PTN: variants seen among roughly 807,000 people sequenced by gnomAD.
PTN encodes the protein pleiotrophin, also known as heparin affin regulatory protein.
PTN carries 18 observed loss-of-function variants against 24.1 expected under a neutral mutation model. The observed-to-expected ratio is 0.75, with a 90% CI of 0.52 to 1.11. The LOEUF is 1.11. PTN is among the 50% of genes least tolerant of loss of function. The probability of loss-of-function intolerance (pLI) is 0.00; values close to 1 mark genes in which losing one functional copy is unlikely to be tolerated. For missense variants in PTN, 163 were observed against 198.8 expected (o/e 0.82, Z 1.08); for synonymous variants, 78 against 68.6 (o/e 1.14, Z -0.67).
intron 1 of PTN, among the ~76,000 whole-genome samples, chr7:137,277,339 C>T (rs1379523523): frequency 1.3e-5 from 2 of 152,158 alleles, no homozygotes; most frequent in Non-Finnish European, 2.9e-5. Flanking sequence ...TCATTGCAAC[C>T]ACTATTGAAC....
chr7:137,316,304 T>C (rs772932758), intron 1 of PTN, among the ~76,000 whole-genome samples: 8 of 152,256 alleles, frequency 5.3e-5, no homozygotes, highest in Admixed American at 2.0e-4. Flanking sequence ...ATTCTCAGTC[T>C]CTCCATTCAT....
intron 4 of PTN, among the ~76,000 whole-genome samples, chr7:137,230,941 A>T (rs932892139): frequency 6.6e-6 from 1 of 151,174 alleles, no homozygotes; most frequent in Non-Finnish European, 1.5e-5. Context: ...CTTCAAATTC[A>T]CTCTTCATTT....
At chr7:137,293,258 A>G (rs1048224998) in intron 1 of PTN, among the ~76,000 whole-genome samples, 3 of 152,164 alleles carry the variant, frequency 2.0e-5, no homozygotes, top group African/African-American at 7.2e-5. Context: ...GGTAGAATCC[A>G]TAAATAGATG....
At chr7:137,254,813 G>A (rs1370662911) in intron 2 of PTN, 46 bp downstream of exon 2, 2 of 1,309,154 alleles carry the variant, frequency 1.5e-6, no homozygotes, top group Non-Finnish European at 2.1e-6. Context: ...AGACTAGATG[G>A]ACATTAATCA....
chr7:137,334,149 A>G (rs1331528473), intron 1 of PTN, among the ~76,000 whole-genome samples: 1 of 151,602 alleles, frequency 6.6e-6, no homozygotes, highest in African/African-American at 2.4e-5. Context: ...CTTCATGTCT[A>G]AAACACCAAA....
At chr7:137,341,217 T>G (rs1316606981) in intron 1 of PTN, among the ~76,000 whole-genome samples, 1 of 152,174 alleles carries the variant, frequency 6.6e-6, no homozygotes, top group Non-Finnish European at 1.5e-5. Flanking sequence ...AAAAAGTGAT[T>G]CAACTATCTG....
Position 137,254,865 on chromosome 7 carries a change from T to C in PTN, c.109A>G (p.Lys37Glu). 3.2e-6 allele frequency: 5 copies of C among 1,551,152 alleles called. No homozygotes were observed. Among genetic ancestry groups the C allele is most frequent in the Non-Finnish European group, 4.4e-6 (5 of 1,134,448 alleles). Residue 37 changes from lysine to glutamate, a missense_variant, in exon 2 of 5, where the codon AAA (lysine) becomes GAA (glutamate). Transcript: ENST00000348225. ...TCAGAACCCTACTGCTTACCTGGTT[T>C]CTCTTTCTTCCCTGCTTCAGCAGTA... ...VDTAEAGKKE[K>E]PEKKVKKSDC...
At chr7:137,305,616 C>G (rs907150866) in intron 1 of PTN, among the ~76,000 whole-genome samples, 2 of 152,036 alleles carry the variant, frequency 1.3e-5, no homozygotes, top group Non-Finnish European at 2.9e-5. Flanking sequence ...CCTCTTATTT[C>G]ATCTCTACTG....
chr7:137,247,316 A>G (rs1808740936), intron 4 of PTN, among the ~76,000 whole-genome samples: 1 of 152,228 alleles, frequency 6.6e-6, no homozygotes, highest in South Asian at 2.1e-4. Flanking sequence ...ACATATACAT[A>G]ACGGAGTACA....
intron 1 of PTN, among the ~76,000 whole-genome samples, chr7:137,261,948 G>A (rs944400535): frequency 7.9e-5 from 12 of 152,142 alleles, no homozygotes; most frequent in African/African-American, 2.9e-4. Context: ...TTTATGGCCA[G>A]TTTTTACACA....
At chr7:137,256,402 T>G (rs1808925851) in intron 1 of PTN, among the ~76,000 whole-genome samples, 2 of 151,996 alleles carry the variant, frequency 1.3e-5, no homozygotes, top group African/African-American at 2.4e-5. Flanking sequence ...CAGTTATGAG[T>G]GAGAACATGC....
chr7:137,253,524 T>C lies in PTN; in HGVS notation c.229A>G (p.Lys77Glu), dbSNP rs1316734920. 5 of 1,612,450 alleles carry C rather than the reference T, an allele frequency of 3.1e-6. No individual in the cohort carries two copies. The highest frequency in any genetic ancestry group is 4.2e-6 in the Non-Finnish European group (5 of 1,179,262). ...CATCTCTGGGTCTTCATGGTTTGCTTGCACTCAGCTCCAGTCCGAGTGCCC... is the reference window on the plus strand; with the variant it reads ...CATCTCTGGGTCTTCATGGTTTGCTCGCACTCAGCTCCAGTCCGAGTGCCC... ...REGTRTGAEC[K>E]QTMKTQRCKI... The change falls in exon 3 of 5, where the codon AAG (lysine) becomes GAG (glutamate). Residue 77 changes from lysine to glutamate, a missense_variant. By Grantham distance (56) the Lys-to-Glu change is moderately conservative. Transcript: ENST00000348225.
intron 1 of PTN, among the ~76,000 whole-genome samples, chr7:137,270,342 G>T (rs927478814): frequency 3.3e-5 from 5 of 152,170 alleles, no homozygotes; most frequent in Non-Finnish European, 1.5e-5. Context: ...CTTATAGCTA[G>T]AAGTTCTTTT....
intron 4 of PTN, among the ~76,000 whole-genome samples, chr7:137,228,535 A>C (rs1299691041): frequency 6.6e-6 from 1 of 151,718 alleles, no homozygotes; most frequent in East Asian, 1.9e-4. Context: ...CTTTGATAGT[A>C]TATTTTCTGA....
chr7:137,315,615 C>T (rs1293438147), intron 1 of PTN, among the ~76,000 whole-genome samples: 2 of 152,132 alleles, frequency 1.3e-5, no homozygotes, highest in Non-Finnish European at 2.9e-5. Context: ...TAGCCGGATT[C>T]GAACACCCAG....
At chr7:137,287,470 T>C (rs1474780678) in intron 1 of PTN, among the ~76,000 whole-genome samples, 1 of 151,792 alleles carries the variant, frequency 6.6e-6, no homozygotes, top group Non-Finnish European at 1.5e-5. Flanking sequence ...TTTCAGAGAA[T>C]TGTAAAAAGG....
At chr7:137,319,968 A>G (rs1810137067) in intron 1 of PTN, among the ~76,000 whole-genome samples, 1 of 152,212 alleles carries the variant, frequency 6.6e-6, no homozygotes, top group Non-Finnish European at 1.5e-5. Flanking sequence ...GCTAATTAAG[A>G]GGCCACATGT....
At chr7:137,317,416 C>G (rs1376190380) in intron 1 of PTN, among the ~76,000 whole-genome samples, 1 of 152,224 alleles carries the variant, frequency 6.6e-6, no homozygotes, top group East Asian at 1.9e-4. Flanking sequence ...TTCTAACTAA[C>G]TGAGAAGTGG....
At chr7:137,259,750 G>A (rs2128872357) in intron 1 of PTN, among the ~76,000 whole-genome samples, 1 of 151,810 alleles carries the variant, frequency 6.6e-6, no homozygotes. Flanking sequence ...GCCTTATCAG[G>A]ACACAAATTA....
Sources: gnomAD v4.1 joint callset for allele counts (sites outside exome capture counted in the v4.1 genomes callset) on GRCh38, gnomAD v4.1.1 for gene constraint, MANE v1.5 for transcripts, NCBI Gene and HGNC (gene_info 2026-07-23, HGNC 2026-07-21) for gene names.